MAP2K5: variants seen among roughly 807,000 people sequenced by gnomAD.
MAP2K5 encodes mitogen-activated protein kinase kinase 5.
In MAP2K5, 49 loss-of-function variants were observed where a neutral mutation model predicts 83.1. The observed-to-expected ratio is 0.59, with a 90% CI of 0.47 to 0.75. The LOEUF is 0.75. Ranked by LOEUF, MAP2K5 falls within the 30% of genes least tolerant of loss-of-function variation. The probability of loss-of-function intolerance (pLI) is 0.00; values close to 1 mark genes in which losing one functional copy is unlikely to be tolerated. For synonymous variants in MAP2K5, 202 were observed against 191.8 expected (o/e 1.05, Z -0.44); for missense variants, 457 against 557.5 (o/e 0.82, Z 1.82).
At chr15:67,752,909 AAG>A (rs1386368332) in intron 19 of MAP2K5, among the ~76,000 whole-genome samples, 1 of 152,056 alleles carries the variant, frequency 6.6e-6, no homozygotes, top group African/African-American at 2.4e-5. Context: ...AAAAAAAAAA[AAG>A]AAAACAATGT....
In MAP2K5 at chr15:67,779,870, C is replaced by T. The variant is rs1279742420; in HGVS notation, c.1242+7118C>T. On this transcript the variant is annotated intron_variant, in intron 21 of 21. Transcript: ENST00000178640. The surrounding 1 kb of genome is among the most constrained non-coding windows in gnomAD (Gnocchi z 4.6). ...CAGTGCCGTGCCAGATTTGCGGCAG[C>T]GGGAGGCTAAGGTGGGTCTTTAAAG... is the stretch of plus-strand genomic sequence containing the variant. Among the ~76,000 whole-genome samples, 1 of 152,092 alleles carries T rather than the reference C, an allele frequency of 6.6e-6. No homozygotes were observed. The highest frequency in any genetic ancestry group is 1.5e-5 in the Non-Finnish European group (1 of 68,022).
At position 67,736,730 on chromosome 15, in the gene MAP2K5, C is replaced by A. The variant is rs186695953; in HGVS notation, c.1074+8785C>A. On this transcript the variant is annotated intron_variant, in intron 17 of 21. Transcript: ENST00000178640. The surrounding 1 kb of genome is among the most constrained non-coding windows in gnomAD (Gnocchi z 4.3). The stretch of plus-strand genomic sequence containing the variant: ...AATTTTTAAATAATCAATTTAGCCC[C>A]CAGAAATAGAATTGAAAGTTAATGA... Among the ~76,000 whole-genome samples the A allele has an allele frequency of 3.3e-5, 5 of 152,266 alleles. No homozygotes were observed. Among genetic ancestry groups the A allele is most frequent in the Non-Finnish European group, 1.5e-5 (1 of 68,026 alleles).
intron 4 of MAP2K5, among the ~76,000 whole-genome samples, chr15:67,583,882 G>C (rs1174684950): frequency 6.6e-6 from 1 of 151,896 alleles, no homozygotes; most frequent in Non-Finnish European, 1.5e-5. Context: ...GAGTAGCTGG[G>C]GCTACAGGCA....
rs533840839 is a variant in MAP2K5, at chr15:67,805,625, C to T, written c.1243-1021C>T. Among the ~76,000 whole-genome samples, 459 of 152,128 alleles carry T rather than the reference C, an allele frequency of 3.0e-3. 2 individuals carry two copies. The highest frequency in any genetic ancestry group is 0.01 in the African/African-American group (418 of 41,504). ...GAGCTGGGGGGAGCGAGGAAGCGGC[C>T]GCTGGACAGGGAGGGAGAAGAGCTG... On this transcript the variant is annotated intron_variant, in intron 21 of 21. Coordinates refer to ENST00000178640, the MANE Select transcript of MAP2K5 (RefSeq NM_145160.3).
chr15:67,607,179 C>G lies in MAP2K5; in HGVS notation c.545+6430C>G, dbSNP rs191625503. On this transcript the variant is annotated intron_variant, in intron 8 of 21. Coordinates refer to ENST00000178640, the MANE Select transcript of MAP2K5 (RefSeq NM_145160.3). The stretch of plus-strand genomic sequence containing the variant: ...GGAGTCTTTTCCTTGCAGCCAAGAT[C>G]ATATTTTAAAGAAGCAAACAAGACA... Among the ~76,000 whole-genome samples, 304 of 152,154 alleles carry G rather than the reference C, an allele frequency of 2.0e-3. 3 individuals carry two copies. Among genetic ancestry groups the G allele is most frequent in the African/African-American group, 6.8e-3 (284 of 41,494 alleles).
chr15:67,803,386 A>G (rs1159323065), intron 21 of MAP2K5, among the ~76,000 whole-genome samples: 1 of 151,998 alleles, frequency 6.6e-6, no homozygotes, highest in Admixed American at 6.5e-5. Context: ...CTTCCTCCCA[A>G]ATTCTCCATC....
intron 3 of MAP2K5, among the ~76,000 whole-genome samples, chr15:67,578,615 A>G (rs528859990): frequency 6.6e-6 from 1 of 152,284 alleles, no homozygotes; most frequent in South Asian, 2.1e-4. Context: ...GGCATACTTG[A>G]TATCATTACT....
intron 17 of MAP2K5, among the ~76,000 whole-genome samples, chr15:67,739,108 C>T (rs974989066): frequency 2.0e-5 from 3 of 151,320 alleles, no homozygotes; most frequent in African/African-American, 4.9e-5. Context: ...AGGGAGACCC[C>T]GTCTCTACAA....
rs75728180 is a variant in MAP2K5 at position 67,792,628 on chromosome 15, A to G, written c.1243-14018A>G. On this transcript the variant is annotated intron_variant, in intron 21 of 21. Transcript: ENST00000178640. Reference sequence around the variant, plus strand: ...CAGACCCTAAAATATAAAACTTCCCACTGAGTTTCTGAGTCACCCTGCAGT... The same window carrying G: ...CAGACCCTAAAATATAAAACTTCCCGCTGAGTTTCTGAGTCACCCTGCAGT... 2.6e-5 allele frequency among the ~76,000 whole-genome samples: 4 copies of G among 152,242 alleles called. No homozygotes were observed. In the East Asian group the frequency reaches 7.7e-4, roughly 29 times the overall value.
intron 20 of MAP2K5, among the ~76,000 whole-genome samples, chr15:67,771,827 G>A (rs184670658): frequency 3.8e-4 from 58 of 152,268 alleles, no homozygotes; most frequent in African/African-American, 1.4e-3. Flanking sequence ...TTAGAAGAGT[G>A]CCTTATAAAG....
chr15:67,673,523 G>A (rs944313152), intron 13 of MAP2K5, among the ~76,000 whole-genome samples: 4 of 152,054 alleles, frequency 2.6e-5, no homozygotes, highest in Non-Finnish European at 4.4e-5. Context: ...GAATTCCTTA[G>A]GAAAGAAATT....
At chr15:67,756,796 C>CT (rs2089847533) in intron 19 of MAP2K5, among the ~76,000 whole-genome samples, 1 of 152,014 alleles carries the variant, frequency 6.6e-6, no homozygotes, top group Non-Finnish European at 1.5e-5. Flanking sequence ...TTTTGTGTTT[C>CT]TGTGTCTGAC....
chr15:67,646,755 C>G (rs555966770), intron 11 of MAP2K5, among the ~76,000 whole-genome samples: 2 of 152,280 alleles, frequency 1.3e-5, no homozygotes, highest in Non-Finnish European at 2.9e-5. Context: ...TTTGCACAAT[C>G]TGTCTTTACT....
At chr15:67,714,950 G>C (rs1410718715) in intron 16 of MAP2K5, among the ~76,000 whole-genome samples, 2 of 152,176 alleles carry the variant, frequency 1.3e-5, no homozygotes, top group East Asian at 3.8e-4. Flanking sequence ...TCAGTCTCCT[G>C]ATCCAACTAG....
intron 13 of MAP2K5, chr15:67,670,338 G>T (rs919110744): frequency 4.4e-5 from 20 of 452,016 alleles, no homozygotes; most frequent in Admixed American, 9.4e-5. Flanking sequence ...GACTGTAAAG[G>T]CATGAAGGAA....
chr15:67,727,666 A>G lies in MAP2K5; in HGVS notation c.1045-250A>G, dbSNP rs139985238. Among the ~76,000 whole-genome samples the G allele has an allele frequency of 3.9e-4, 60 of 152,346 alleles. 1 individual carries two copies. The East Asian group carries it at 0.011, about 28-fold the overall frequency. On this transcript the variant is annotated intron_variant, in intron 16 of 21. Transcript: ENST00000178640. ...ATAGCTGAGAATATTACTAAGGGAA[A>G]CCACATAAGGATAATGTTTTGTTAT...
chr15:67,546,040 A>G (rs2084382955), intron 1 of MAP2K5: 1 of 152,292 alleles, frequency 6.6e-6, no homozygotes, highest in Non-Finnish European at 1.5e-5. Flanking sequence ...TGGCTAGGTA[A>G]GCCCAGGTGG....
chr15:67,592,942 G>C lies in MAP2K5; in HGVS notation c.448G>C (p.Ala150Pro). 2 of 1,607,946 alleles carry C rather than the reference G, an allele frequency of 1.2e-6. No homozygotes were observed. Among genetic ancestry groups the C allele is most frequent in the South Asian group, 2.2e-5 (2 of 89,846 alleles). Residue 150 changes from alanine (A) to proline (P), a missense_variant, in exon 7 of 22, where the codon GCT becomes CCT. By Grantham distance (27) the Ala-to-Pro change is conservative. This residue lies in a region of MAP2K5 where 234 missense variants were observed against 243.6 expected (regional missense o/e 0.96). Transcript: ENST00000178640. ...CCTTTTCAGCTTAAAGAAGTCTTCT[G>C]CTGAACTGAAAAAAATACTAGCCAA... is the stretch of plus-strand genomic sequence containing the variant. ...LPSNSLKKSS[A>P]ELKKILANGQ...
intron 8 of MAP2K5, chr15:67,628,483 A>C: frequency 3.1e-6 from 2 of 649,722 alleles, no homozygotes; most frequent in East Asian, 2.8e-5. Context: ...CCATCTAAAA[A>C]AAAATAAAAA....
Sources: allele counts gnomAD v4.1 joint callset (sites outside exome capture counted in the v4.1 genomes callset), GRCh38; gene constraint gnomAD v4.1.1; regional missense constraint gnomAD v4.1.1; non-coding constraint Gnocchi (gnomAD v3.1); transcripts MANE v1.5; gene names NCBI Gene and HGNC (gene_info 2026-07-23, HGNC 2026-07-21).